Variants in RBFOX1 observed in about 807,000 individuals in gnomAD.
RBFOX1 encodes the protein RNA binding protein fox-1 homolog 1.
A neutral mutation model predicts 57.7 loss-of-function variants in RBFOX1; 8 were observed. The ratio of observed to expected loss-of-function variants is 0.14; its 90% CI spans 0.08 to 0.25. The LOEUF (loss-of-function observed/expected upper bound fraction) is 0.25. Ranked by LOEUF, RBFOX1 falls within the 10% of genes least tolerant of loss-of-function variation. The pLI is 1.00. For synonymous variants in RBFOX1, 326 were observed against 222.4 expected, an observed-to-expected ratio of 1.47 and a Z score of -4.15; for missense variants, 611 against 548.5, an observed-to-expected ratio of 1.11 and a Z score of -1.14.
chr16:6,951,001 G>C (rs539735055), intron 3 of RBFOX1, among the ~76,000 whole-genome samples: 1 of 151,762 alleles, frequency 6.6e-6, no homozygotes, highest in Non-Finnish European at 1.5e-5. Context: ...AAACTTCTAG[G>C]CTCCAGCGAT....
chr16:5,750,452 C>T (rs539509711), intron 3 of RBFOX1, among the ~76,000 whole-genome samples: 28 of 152,322 alleles, frequency 1.8e-4, no homozygotes, highest in African/African-American at 4.8e-4. Flanking sequence ...TTGGCTATGC[C>T]GTGCCCCCAG....
At chr16:7,585,575 G>C (rs1350883778) in intron 6 of RBFOX1, among the ~76,000 whole-genome samples, 1 of 152,160 alleles carries the variant, frequency 6.6e-6, no homozygotes, top group Middle Eastern at 3.2e-3. Context: ...CGGCTGTATA[G>C]TGTATGGGTC....
chr16:6,487,420 A>G (rs954256201), intron 2 of RBFOX1, among the ~76,000 whole-genome samples: 2 of 151,934 alleles, frequency 1.3e-5, no homozygotes, highest in Non-Finnish European at 2.9e-5. Flanking sequence ...TGATGTCTGA[A>G]TACTTTGATG....
At chr16:6,077,527 G>T (rs1465018093) in intron 1 of RBFOX1, among the ~76,000 whole-genome samples, 1 of 152,008 alleles carries the variant, frequency 6.6e-6, no homozygotes, top group Non-Finnish European at 1.5e-5. Context: ...GTGCTCTCTA[G>T]CCTCCTTCCT....
At chr16:6,768,460 A>C (rs2077730505) in intron 3 of RBFOX1, among the ~76,000 whole-genome samples, 2 of 151,960 alleles carry the variant, frequency 1.3e-5, no homozygotes, top group Admixed American at 1.3e-4. Context: ...ATTCCCCCCC[A>C]GCCCACACAA....
intron 3 of RBFOX1, among the ~76,000 whole-genome samples, chr16:7,034,657 G>A (rs1222162774): frequency 6.6e-6 from 1 of 151,516 alleles, no homozygotes; most frequent in Non-Finnish European, 1.5e-5. Context: ...GCTAGCAGAG[G>A]GCCCTCTTTA....
At chr16:7,217,006 C>T (rs1411058581) in intron 4 of RBFOX1, among the ~76,000 whole-genome samples, 24 of 57,278 alleles carry the variant, frequency 4.2e-4, no homozygotes, top group African/African-American at 1.6e-3. Context: ...CTCCCTCCCT[C>T]CCTTCCCTCC....
At chr16:5,549,649 C>G (rs2045377395) in intron 2 of RBFOX1, among the ~76,000 whole-genome samples, 1 of 152,190 alleles carries the variant, frequency 6.6e-6, no homozygotes, top group Non-Finnish European at 1.5e-5. Context: ...CATTCAAAAA[C>G]TTCATCAGTG....
chr16:7,694,300 C>T (rs1329988554), intron 14 of RBFOX1, among the ~76,000 whole-genome samples: 4 of 152,188 alleles, frequency 2.6e-5, no homozygotes, highest in Admixed American at 1.3e-4. Flanking sequence ...AATAAACACT[C>T]ATCTGTTACC....
At chr16:5,628,081 T>C (rs8054033) in intron 3 of RBFOX1, among the ~76,000 whole-genome samples, 13,719 of 152,220 alleles carry the variant, frequency 0.09, 2,023 homozygotes, top group African/African-American at 0.31. Flanking sequence ...TGATGGTCTG[T>C]CTCTGCCCAC....
chr16:6,551,106 T>G (rs2096981726), intron 2 of RBFOX1, among the ~76,000 whole-genome samples: 1 of 152,172 alleles, frequency 6.6e-6, no homozygotes, highest in African/African-American at 2.4e-5. Flanking sequence ...CTCTGCGTTT[T>G]GGGTTACAGA....
intron 3 of RBFOX1, among the ~76,000 whole-genome samples, chr16:6,881,989 A>C (rs34925530): frequency 0.075 from 11,473 of 152,224 alleles, 520 homozygotes; most frequent in South Asian, 0.17. Flanking sequence ...ATAAAGGAGA[A>C]ATTTTTTTAA....
intron 3 of RBFOX1, among the ~76,000 whole-genome samples, chr16:5,692,900 A>G (rs1485735096): frequency 6.6e-6 from 1 of 152,252 alleles, no homozygotes; most frequent in Admixed American, 6.5e-5. Context: ...GACATGGCAC[A>G]TGCAGCTTAG....
rs971542710 is a variant in RBFOX1, at chr16:6,747,718, C to T, written c.-16+93068C>T. ...TTTTGCAAAAGCAGAAATATGTCTT[C>T]TGGGCACCATCCGCTTCATGGACAG... On this transcript the variant is annotated intron_variant, in intron 3 of 15. Coordinates refer to ENST00000550418, the MANE Select transcript of RBFOX1 (RefSeq NM_018723.4). Among the ~76,000 whole-genome samples the T allele has an allele frequency of 4.6e-5, 7 of 152,280 alleles. No homozygotes were observed. The East Asian group carries it at 1.4e-3, about 29-fold the overall frequency.
intron 3 of RBFOX1, among the ~76,000 whole-genome samples, chr16:6,761,426 G>C (rs1163181478): frequency 1.3e-5 from 2 of 150,210 alleles, no homozygotes. Flanking sequence ...ATAAACTCAA[G>C]GTAACAGTTT....
intron 14 of RBFOX1, among the ~76,000 whole-genome samples, chr16:7,704,593 G>T (rs2081837480): frequency 6.6e-6 from 1 of 152,186 alleles, no homozygotes; most frequent in African/African-American, 2.4e-5. Context: ...GTTCTAGACA[G>T]TGGGGATGCA....
At chr16:7,306,580 C>T (rs376170649) in intron 4 of RBFOX1, among the ~76,000 whole-genome samples, 16 of 149,038 alleles carry the variant, frequency 1.1e-4, no homozygotes, top group Admixed American at 4.0e-4. Flanking sequence ...GAATGGTGTG[C>T]GTGTGTGTGT....
intron 9 of RBFOX1, among the ~76,000 whole-genome samples, chr16:7,597,881 A>C (rs2094790550): frequency 6.6e-6 from 1 of 152,146 alleles, no homozygotes; most frequent in Non-Finnish European, 1.5e-5. Flanking sequence ...GGTTTAGAGT[A>C]TACCTCATGT....
At chr16:7,447,223 G>T (rs1371361105) in intron 4 of RBFOX1, among the ~76,000 whole-genome samples, 1 of 151,868 alleles carries the variant, frequency 6.6e-6, no homozygotes, top group Non-Finnish European at 1.5e-5. Context: ...ATTGAGGTCA[G>T]GAGTTCGAGA....
Sources: allele counts gnomAD v4.1 joint callset (sites outside exome capture counted in the v4.1 genomes callset), GRCh38; gene constraint gnomAD v4.1.1; transcripts MANE v1.5; gene names NCBI Gene and HGNC (gene_info 2026-07-23, HGNC 2026-07-21).